Variants in GLDC observed in about 807,000 individuals in gnomAD.
GLDC encodes the protein glycine dehydrogenase (decarboxylating), mitochondrial.
A neutral mutation model predicts 121.3 loss-of-function variants in GLDC; 104 were observed. The observed-to-expected ratio is 0.86, with a 90% CI of 0.73 to 1.01. GLDC has a LOEUF of 1.01. Among genes scored for constraint, GLDC ranks in the 50% least tolerant of loss-of-function variants. The pLI is 0.00. For synonymous variants in GLDC, 546 were observed against 480.6 expected, an observed-to-expected ratio of 1.14 and a Z score of -1.78; for missense variants, 1,429 against 1,306.6, an observed-to-expected ratio of 1.09 and a Z score of -1.44.
Position 6,607,955 on chromosome 9 carries a change from T to C in GLDC, c.636-1286A>G, listed in dbSNP as rs1351965488. ...CTGGGCAACATGGCAAAACCCTATC[T>C]CTACAAAAAATACAAAAATTAGCTG... On this transcript the variant is annotated intron_variant, in intron 4 of 24. Transcript: ENST00000321612. 2.0e-5 allele frequency among the ~76,000 whole-genome samples: 3 copies of C among 151,884 alleles called. No individual in the cohort carries two copies. In the East Asian group the frequency reaches 5.9e-4, roughly 30 times the overall value.
At position 6,638,112 on chromosome 9, in the gene GLDC, A is replaced by T. The variant is rs1819545890; in HGVS notation, c.334+6502T>A. On this transcript the variant is annotated intron_variant, in intron 2 of 24. Transcript: ENST00000321612. Reference sequence around the variant, plus strand: ...ATTCCATCAGGGATGATCCCGCAACAACATTCAAGTGCTTGCCGAATTATG... The same window carrying T: ...ATTCCATCAGGGATGATCCCGCAACTACATTCAAGTGCTTGCCGAATTATG... 3.3e-5 allele frequency among the ~76,000 whole-genome samples: 5 copies of T among 152,160 alleles called. No individual in the cohort carries two copies. The South Asian group carries it at 1.0e-3, about 32-fold the overall frequency.
chr9:6,582,907 G>C (rs1490139073), intron 15 of GLDC, among the ~76,000 whole-genome samples: 1 of 151,786 alleles, frequency 6.6e-6, no homozygotes, highest in East Asian at 1.9e-4. Context: ...CAAAGGACTT[G>C]AATACACGTT....
intron 16 of GLDC, 119 bp downstream of exon 16, chr9:6,565,235 C>CTA (rs1463248103): frequency 5.0e-6 from 4 of 800,084 alleles, no homozygotes; most frequent in Non-Finnish European, 9.1e-6. Flanking sequence ...TGTTTCTTGA[C>CTA]TATATGTTCC....
chr9:6,588,480 T>C (rs765831386), intron 13 of GLDC, 38 bp from the exon 14 acceptor site: 34 of 1,559,444 alleles, frequency 2.2e-5, no homozygotes, highest in Non-Finnish European at 2.8e-5. Context: ...ACATTAGTGA[T>C]TTTCTATAGT....
At chr9:6,600,179 C>T (rs1408310050) in intron 8 of GLDC, among the ~76,000 whole-genome samples, 2 of 152,256 alleles carry the variant, frequency 1.3e-5, no homozygotes, top group Non-Finnish European at 2.9e-5. Context: ...ACCTGAGCAA[C>T]AAAGTGAGAC....
At chr9:6,605,474 C>T in intron 5 of GLDC, 196 bp from the exon 6 acceptor site, 2 of 638,458 alleles carry the variant, frequency 3.1e-6, no homozygotes, top group South Asian at 1.7e-5. Context: ...AACAGCTCTG[C>T]TTCTGTTCCT....
intron 22 of GLDC, among the ~76,000 whole-genome samples, chr9:6,539,178 T>G (rs925808215): frequency 6.6e-6 from 1 of 152,196 alleles, no homozygotes; most frequent in Non-Finnish European, 1.5e-5. Context: ...ATTTTCATAT[T>G]ATTATAATAG....
rs1330595315 is a variant in GLDC at position 6,644,691 on chromosome 9, C to T, written c.257G>A (p.Ser86Asn). ...CGTCTTCTCGATCAATTCATCAATG[C>T]TCTAAAATTAAAACGCAAGGCAGAG... is the stretch of plus-strand genomic sequence containing the variant. ...REMLQTLGLA[S>N]IDELIEKTVP... is the part of the protein sequence containing the mutation. The change falls in exon 2 of 25, where the codon AGC becomes AAC. Residue 86 changes from serine to asparagine, a missense_variant and splice_region_variant. By Grantham distance (46) the Ser-to-Asn change is conservative (BLOSUM62 1). Coordinates refer to ENST00000321612, the MANE Select transcript of GLDC (RefSeq NM_000170.3). 3.7e-6 allele frequency: 6 copies of T among 1,609,942 alleles called. No homozygotes were observed. The highest frequency in any genetic ancestry group is 1.1e-5 in the South Asian group (1 of 91,024).
rs893058571 is a variant in GLDC, at chr9:6,604,773, G to A, written c.873C>T (p.Cys291=). The change falls in exon 7 of 25, where the codon TGC becomes TGT. Residue 291 remains cysteine, a synonymous_variant. Coordinates refer to ENST00000321612, the MANE Select transcript of GLDC (RefSeq NM_000170.3). ...ACAAAGCTAAAAGGTCAGTAGCACA[G>A]CAGGCCAGGCTCTAGAAAGGAAGTG... The part of the protein sequence containing the change: ...ERAHQSGSLA[C]CATDLLALCI... The A allele has an allele frequency of 5.0e-6, 8 of 1,613,576 alleles. No individual in the cohort carries two copies. The African/African-American group carries it at 9.3e-5, about 19-fold the overall frequency.
intron 3 of GLDC, among the ~76,000 whole-genome samples, chr9:6,611,117 G>T (rs1387381923): frequency 6.6e-6 from 1 of 152,156 alleles, no homozygotes. Flanking sequence ...TCATTATCCA[G>T]TTACTAAGAG....
chr9:6,565,288 A>T, intron 16 of GLDC, 66 bp downstream of exon 16: 1 of 1,098,736 alleles, frequency 9.1e-7, no homozygotes, highest in South Asian at 1.2e-5. Flanking sequence ...GTCCCACAGA[A>T]GGGACCCTGA....
At position 6,595,103 on chromosome 9, in the gene GLDC, A is replaced by G. The variant is rs754883123; in HGVS notation, c.1172T>C (p.Met391Thr). 5 of 1,611,646 alleles carry G rather than the reference A, an allele frequency of 3.1e-6. No homozygotes were observed. Among genetic ancestry groups the G allele is most frequent in the Non-Finnish European group, 4.2e-6 (5 of 1,177,760 alleles). ...ICTAQALLAN[M>T]AAMFAIYHGS... is the part of the protein sequence containing the mutation. ...ATGGTAGATTGCAAACATGGCAGCC[A>G]TATTCGCCAAGAGGGCCTAAAAGAT... The change falls in exon 9 of 25, where the codon ATG becomes ACG. Residue 391 changes from methionine (M) to threonine (T), a missense_variant. Transcript: ENST00000321612.
At chr9:6,620,019 A>C (rs1243463165) in intron 3 of GLDC, among the ~76,000 whole-genome samples, 165 bp downstream of exon 3, 2 of 152,206 alleles carry the variant, frequency 1.3e-5, no homozygotes, top group African/African-American at 2.4e-5. Flanking sequence ...TTTGAGCAAG[A>C]ACATTTCTCG....
intron 21 of GLDC, 49 bp downstream of exon 21, chr9:6,550,754 T>A: frequency 8.3e-7 from 1 of 1,202,282 alleles, no homozygotes; most frequent in South Asian, 1.2e-5. Context: ...CAAACTTAGT[T>A]TGGCCAAGAA....
At position 6,606,604 on chromosome 9, in the gene GLDC, T is replaced by C. The variant is rs776639131; in HGVS notation, c.701A>G (p.Gln234Arg). The C allele has an allele frequency of 6.3e-6, 10 of 1,591,870 alleles. No homozygotes were observed. The East Asian group carries it at 1.3e-4, about 21-fold the overall frequency. ...RCHPQTIAVV[Q>R]TRAKYTGVLT... ...TCAAATTAATTACTTGGCTCGAGTCTGGACAACAGCTATTGTCTGTGGGTG... is the reference window on the plus strand; with the variant it reads ...TCAAATTAATTACTTGGCTCGAGTCCGGACAACAGCTATTGTCTGTGGGTG... Residue 234 changes from glutamine to arginine, a missense_variant, in exon 5 of 25, where the codon CAG (glutamine) becomes CGG (arginine). By Grantham distance (43) the Gln-to-Arg change is conservative. Coordinates refer to ENST00000321612, the MANE Select transcript of GLDC (RefSeq NM_000170.3).
In GLDC at chr9:6,553,433, C is replaced by T. The variant is rs1379722178; in HGVS notation, c.2392G>A (p.Gly798Arg). 1.9e-6 allele frequency: 3 copies of T among 1,613,776 alleles called. No homozygotes were observed. Among genetic ancestry groups the T allele is most frequent in the African/African-American group, 1.3e-5 (1 of 74,884 alleles). ...CCCCATGGGGCCGCACTGACGGTTC[C>T]CACAGGACAGGCATCCTCATTCCGC... The part of the protein sequence containing the change: ...LKRNEDACPV[G>R]TVSAAPWGSS... The change falls in exon 20 of 25, where the codon GGA (glycine) becomes AGA (arginine). Residue 798 changes from glycine (G) to arginine (R), a missense_variant. Transcript: ENST00000321612.
Position 6,558,506 on chromosome 9 carries a change from C to CA in GLDC, c.2052+52dup, listed in dbSNP as rs1211483025. On this transcript the variant is annotated intron_variant, in intron 17 of 24. Transcript: ENST00000321612. ...CATAATCCATCAAGTCCCTGATCCC[C>CA]ACCAGCACTCCCCATCCCGGCCTCT... The CA allele has an allele frequency of 5.0e-6, 8 of 1,603,624 alleles. No homozygotes were observed. The African/African-American group carries it at 8.0e-5, about 16-fold the overall frequency.
intron 2 of GLDC, among the ~76,000 whole-genome samples, chr9:6,638,536 G>T (rs1024344388): frequency 2.6e-5 from 4 of 152,106 alleles, no homozygotes; most frequent in Admixed American, 6.5e-5. Flanking sequence ...TCTTTACATT[G>T]AGAAGATATA....
At chr9:6,620,939 G>T (rs1205112862) in intron 2 of GLDC, among the ~76,000 whole-genome samples, 1 of 152,182 alleles carries the variant, frequency 6.6e-6, no homozygotes, top group Non-Finnish European at 1.5e-5. Flanking sequence ...AGGCTGAGGT[G>T]GGCGGATCAC....
Sources: allele counts gnomAD v4.1 joint callset (sites outside exome capture counted in the v4.1 genomes callset), GRCh38; gene constraint gnomAD v4.1.1; transcripts MANE v1.5; gene names NCBI Gene and HGNC (gene_info 2026-07-23, HGNC 2026-07-21).